The following PSPC1 variants were observed in gnomAD, a reference collection of about 807,000 sequenced individuals.
PSPC1 encodes paraspeckle component 1, also known as paraspeckle protein 1.
Under a neutral mutation model 51.6 loss-of-function variants are expected in PSPC1, and 14 were observed. The ratio of observed to expected loss-of-function variants is 0.27; its 90% CI spans 0.18 to 0.42. PSPC1 has a LOEUF of 0.42. Among genes scored for constraint, PSPC1 ranks in the 10% least tolerant of loss-of-function variants. The pLI, the probability that PSPC1 is intolerant of heterozygous loss-of-function variation, is 1.00. For missense variants in PSPC1, 406 were observed against 701.1 expected, an observed-to-expected ratio of 0.58 and a Z score of 4.75; for synonymous variants, 193 against 231.9, an observed-to-expected ratio of 0.83 and a Z score of 1.53.
intron 5 of PSPC1, among the ~76,000 whole-genome samples, chr13:19,733,317 C>T (rs1566005434): frequency 6.6e-6 from 1 of 152,130 alleles, no homozygotes; most frequent in Non-Finnish European, 1.5e-5. Context: ...AATGGTATTG[C>T]TATTACTGCT....
chr13:19,725,288 C>A (rs1883244671), intron 6 of PSPC1, among the ~76,000 whole-genome samples: 1 of 152,204 alleles, frequency 6.6e-6, no homozygotes, highest in Non-Finnish European at 1.5e-5. Context: ...TACCAATGAA[C>A]CTTCTGGATA....
intron 1 of PSPC1, among the ~76,000 whole-genome samples, chr13:19,776,897 A>G (rs532535860): frequency 1.2e-4 from 18 of 150,034 alleles, no homozygotes; most frequent in East Asian, 6.1e-4. Flanking sequence ...AGGCCGAGAC[A>G]GGTGGATCAC....
chr13:19,705,489 G>A (rs1880534643), intron 8 of PSPC1, among the ~76,000 whole-genome samples, 173 bp downstream of exon 8: 1 of 146,598 alleles, frequency 6.8e-6, no homozygotes, highest in East Asian at 2.0e-4. Context: ...GAGACTCTCT[G>A]TCTCAAAAAA....
chr13:19,727,291 G>A (rs1883465509), intron 6 of PSPC1, among the ~76,000 whole-genome samples: 1 of 152,128 alleles, frequency 6.6e-6, no homozygotes, highest in Admixed American at 6.5e-5. Flanking sequence ...CTACTCGGGA[G>A]GCTAAGGCAG....
intron 4 of PSPC1, among the ~76,000 whole-genome samples, chr13:19,748,101 T>A (rs573017322): frequency 6.6e-6 from 1 of 152,162 alleles, no homozygotes; most frequent in Non-Finnish European, 1.5e-5. Context: ...TAATCCTAGC[T>A]ACTTGGGATG....
At chr13:19,674,974 A>G (rs956081860) in exon 8 of PSPC1, 1 of 152,284 alleles carries the variant, frequency 6.6e-6, no homozygotes, top group Non-Finnish European at 1.5e-5. Context: ...CTCACTAGGC[A>G]AGTGGCAAGA....
chr13:19,770,854 G>A (rs190606532), intron 2 of PSPC1, among the ~76,000 whole-genome samples: 7 of 150,996 alleles, frequency 4.6e-5, no homozygotes, highest in African/African-American at 1.7e-4. Flanking sequence ...AGTCAAGATC[G>A]CCACTGCACT....
At chr13:19,699,983 G>A (rs1041960425), downstream of PSPC1, among the ~76,000 whole-genome samples, 2 of 151,792 alleles carry the variant, frequency 1.3e-5, no homozygotes, top group African/African-American at 2.4e-5. Context: ...AAAATGATGT[G>A]GCCCATTTAT....
chr13:19,680,027 T>C (rs1877095599), intron 6 of PSPC1, among the ~76,000 whole-genome samples: 2 of 152,210 alleles, frequency 1.3e-5, no homozygotes, highest in African/African-American at 4.8e-5. Context: ...TATGTATTTA[T>C]TTATTGAGGT....
intron 4 of PSPC1, among the ~76,000 whole-genome samples, chr13:19,743,420 A>C (rs558060213): frequency 6.6e-6 from 1 of 152,208 alleles, no homozygotes; most frequent in Non-Finnish European, 1.5e-5. Context: ...CATCATAACC[A>C]TAACAAGGTA....
At chr13:19,761,940 AG>A (rs903564288) in intron 2 of PSPC1, among the ~76,000 whole-genome samples, 14 of 152,198 alleles carry the variant, frequency 9.2e-5, no homozygotes, top group African/African-American at 3.1e-4. Context: ...CAGAATTAAG[AG>A]GGAAAAATGA....
intron 6 of PSPC1, among the ~76,000 whole-genome samples, chr13:19,680,337 T>C (rs1367202936): frequency 6.6e-6 from 1 of 152,116 alleles, no homozygotes; most frequent in Admixed American, 6.5e-5. Context: ...TTTAAAAGGG[T>C]CATTTTTTCT....
intron 6 of PSPC1, among the ~76,000 whole-genome samples, chr13:19,694,520 T>C (rs1033849293): frequency 4.1e-4 from 63 of 152,346 alleles, no homozygotes; most frequent in Middle Eastern, 3.4e-3. Context: ...CATTCTTTTC[T>C]TCGTAAGTCT....
intron 6 of PSPC1, among the ~76,000 whole-genome samples, chr13:19,687,562 G>T (rs559950213): frequency 6.6e-5 from 10 of 152,254 alleles, no homozygotes; most frequent in Non-Finnish European, 7.4e-5. Flanking sequence ...ATGGCACAGG[G>T]CCCCAACCCT....
In PSPC1 at chr13:19,705,158, C is replaced by A. The variant is rs574582381; in HGVS notation, c.1386+504G>T. ...TATGCATTTGCTATATACTGAGGTACCACAGCATGCCACAGACAGTAATCC... is the reference window on the plus strand; with the variant it reads ...TATGCATTTGCTATATACTGAGGTAACACAGCATGCCACAGACAGTAATCC... On this transcript the variant is annotated intron_variant, in intron 8 of 8. Transcript: ENST00000338910. Among the ~76,000 whole-genome samples, 3 of 152,310 alleles carry A rather than the reference C, an allele frequency of 2.0e-5. No homozygotes were observed. In the South Asian group the frequency reaches 6.2e-4, roughly 32 times the overall value.
intron 5 of PSPC1, among the ~76,000 whole-genome samples, chr13:19,731,526 A>G (rs1322335094): frequency 6.6e-6 from 1 of 151,960 alleles, no homozygotes; most frequent in East Asian, 1.9e-4. Flanking sequence ...CAATCCTCCA[A>G]TCTTAGCCTC....
downstream of PSPC1, among the ~76,000 whole-genome samples, chr13:19,699,931 T>C (rs1286605690): frequency 6.6e-6 from 1 of 152,052 alleles, no homozygotes; most frequent in Non-Finnish European, 1.5e-5. Context: ...CAGAAAACAC[T>C]TAAATAATAC....
At chr13:19,751,153 G>T in intron 4 of PSPC1, 118 bp downstream of exon 4, 3 of 691,968 alleles carry the variant, frequency 4.3e-6, no homozygotes, top group Non-Finnish European at 2.2e-6. Flanking sequence ...CTAATATGTT[G>T]AGTTCCAACT....
At chr13:19,726,389 C>G (rs1207924681) in intron 6 of PSPC1, among the ~76,000 whole-genome samples, 1 of 152,200 alleles carries the variant, frequency 6.6e-6, no homozygotes, top group African/African-American at 2.4e-5. Flanking sequence ...CCAACCTAGA[C>G]ACACTGAATC....
Sources: allele counts gnomAD v4.1 joint callset (sites outside exome capture counted in the v4.1 genomes callset), GRCh38; gene constraint gnomAD v4.1.1; transcripts MANE v1.5; gene names NCBI Gene and HGNC (gene_info 2026-07-23, HGNC 2026-07-21).